Variants in ERBB4 observed in about 807,000 individuals in gnomAD.
The protein encoded by ERBB4 is erb-b2 receptor tyrosine kinase 4.
In ERBB4, 42 loss-of-function variants were observed where a neutral mutation model predicts 158.0. That is an observed-to-expected ratio of 0.27 (90% CI 0.21 to 0.34). The LOEUF is 0.34. ERBB4 is among the 10% of genes least tolerant of loss of function. The pLI is 1.00. For synonymous variants in ERBB4, 583 were observed against 558.7 expected (o/e 1.04, Z -0.61); for missense variants, 1,333 against 1,624.1 (o/e 0.82, Z 3.08).
intron 5 of ERBB4, among the ~76,000 whole-genome samples, chr2:211,746,894 C>T (rs2074991656): frequency 6.6e-6 from 1 of 151,580 alleles, no homozygotes; most frequent in Non-Finnish European, 1.5e-5. Flanking sequence ...CTTATGGAAC[C>T]TAAGGACAGC....
At chr2:212,191,262 A>C (rs1452159373) in intron 1 of ERBB4, among the ~76,000 whole-genome samples, 1 of 152,102 alleles carries the variant, frequency 6.6e-6, no homozygotes, top group South Asian at 2.1e-4. Flanking sequence ...ATTTCTAACC[A>C]TTCCCCAGAT....
intron 3 of ERBB4, among the ~76,000 whole-genome samples, chr2:211,881,573 C>G (rs996530937): frequency 3.1e-5 from 4 of 127,786 alleles, no homozygotes; most frequent in Middle Eastern, 4.2e-3. Flanking sequence ...AGAGAACCTG[C>G]CTGCATAATA....
intron 1 of ERBB4, among the ~76,000 whole-genome samples, chr2:212,165,560 C>G: frequency 6.6e-6 from 1 of 151,912 alleles, no homozygotes; most frequent in Non-Finnish European, 1.5e-5. Context: ...TCTAAGAAAG[C>G]TTTTTTCTTT....
intron 1 of ERBB4, among the ~76,000 whole-genome samples, chr2:212,288,101 CAG>C (rs778775511): frequency 6.6e-6 from 1 of 152,008 alleles, no homozygotes; most frequent in Non-Finnish European, 1.5e-5. Flanking sequence ...GAGAGAAAAT[CAG>C]AGTTGAGATT....
chr2:211,571,214 C>G (rs1191210875), intron 19 of ERBB4, among the ~76,000 whole-genome samples: 1 of 151,800 alleles, frequency 6.6e-6, no homozygotes, highest in Non-Finnish European at 1.5e-5. Context: ...AGAAATACTA[C>G]CCGGGCTTTG....
chr2:211,928,380 T>C (rs1416203607), intron 3 of ERBB4, among the ~76,000 whole-genome samples: 1 of 152,072 alleles, frequency 6.6e-6, no homozygotes, highest in Non-Finnish European at 1.5e-5. Context: ...CATTGTCCTA[T>C]GGAGAAGCCG....
At chr2:211,704,732 G>T (rs1213653474) in intron 10 of ERBB4, among the ~76,000 whole-genome samples, 1 of 152,102 alleles carries the variant, frequency 6.6e-6, no homozygotes, top group African/African-American at 2.4e-5. Context: ...TTTTGAAGAA[G>T]TAAACAGAAA....
At chr2:211,917,657 A>G (rs2079735608) in intron 3 of ERBB4, among the ~76,000 whole-genome samples, 1 of 152,174 alleles carries the variant, frequency 6.6e-6, no homozygotes, top group South Asian at 2.1e-4. Flanking sequence ...AAAAAATGCT[A>G]AAAGTGGGTA....
Position 212,459,207 on chromosome 2 carries a change from T to A in ERBB4, c.82+79242A>T, listed in dbSNP as rs1688453910. On this transcript the variant is annotated intron_variant, in intron 1 of 27. Transcript: ENST00000342788. ...TTGTACTCTTTGAGTTGTTTTTTTT[T>A]ATTTTATAGTATTAGATGTACACAG... Among the ~76,000 whole-genome samples the A allele has an allele frequency of 2.0e-5, 3 of 152,214 alleles. No homozygotes were observed. The South Asian group carries it at 6.2e-4, about 32-fold the overall frequency.
intron 1 of ERBB4, among the ~76,000 whole-genome samples, chr2:212,180,300 A>T (rs2081817502): frequency 6.6e-6 from 1 of 151,654 alleles, no homozygotes; most frequent in Non-Finnish European, 1.5e-5. Context: ...CGGGATAAGC[A>T]TATTTTTTTC....
At chr2:211,552,313 C>G (rs2067119204) in intron 20 of ERBB4, among the ~76,000 whole-genome samples, 1 of 152,044 alleles carries the variant, frequency 6.6e-6, no homozygotes, top group Middle Eastern at 3.2e-3. Context: ...ATGGTAGAAT[C>G]AGTCTGTTTG....
chr2:211,828,161 T>C lies in ERBB4; in HGVS notation c.422-40002A>G, dbSNP rs115968007. ...AGAGTCTTAGTCATATTAATTAAAGTGGATTGACTTTTATATGTTCAGTTG... is the reference window on the plus strand; with the variant it reads ...AGAGTCTTAGTCATATTAATTAAAGCGGATTGACTTTTATATGTTCAGTTG... On this transcript the variant is annotated intron_variant, in intron 3 of 27. Transcript: ENST00000342788. Among the ~76,000 whole-genome samples the C allele has an allele frequency of 2.6e-3, 402 of 152,278 alleles. 3 individuals are homozygous for C. The highest frequency in any genetic ancestry group is 9.5e-3 in the African/African-American group (395 of 41,568).
chr2:211,561,646 C>A (rs2067395292), intron 20 of ERBB4: 2 of 480,286 alleles, frequency 4.2e-6, no homozygotes, highest in Non-Finnish European at 7.6e-6. Context: ...AATTCCTCCC[C>A]CTGACTACCA....
intron 20 of ERBB4, among the ~76,000 whole-genome samples, chr2:211,528,996 TA>T (rs1382097006): frequency 6.7e-6 from 1 of 149,590 alleles, no homozygotes; most frequent in Non-Finnish European, 1.5e-5. Context: ...TGAAAGAAAA[TA>T]AAAAATCTGA....
intron 1 of ERBB4, among the ~76,000 whole-genome samples, chr2:212,302,296 A>G (rs2086652108): frequency 6.6e-6 from 1 of 151,276 alleles, no homozygotes; most frequent in Admixed American, 6.6e-5. Flanking sequence ...GTTATTAGAT[A>G]TGTGCTGATA....
At chr2:212,532,991 A>C (rs1469298868) in intron 1 of ERBB4, among the ~76,000 whole-genome samples, 1 of 152,240 alleles carries the variant, frequency 6.6e-6, no homozygotes, top group Non-Finnish European at 1.5e-5. Context: ...TCAAGTGTGA[A>C]AACAAGGAAG....
chr2:212,013,400 T>C (rs978498027), intron 2 of ERBB4, among the ~76,000 whole-genome samples: 3 of 152,170 alleles, frequency 2.0e-5, no homozygotes, highest in African/African-American at 7.2e-5. Context: ...GAAGAATTTA[T>C]CATAAGACAC....
intron 24 of ERBB4, among the ~76,000 whole-genome samples, chr2:211,421,665 T>C (rs112328091): frequency 2.2e-4 from 34 of 151,902 alleles, no homozygotes; most frequent in African/African-American, 7.9e-4. Flanking sequence ...TTCCTTTTGT[T>C]CCGAAAAAAG....
At chr2:212,299,500 C>T (rs921283515) in intron 1 of ERBB4, among the ~76,000 whole-genome samples, 4 of 151,590 alleles carry the variant, frequency 2.6e-5, no homozygotes, top group Non-Finnish European at 5.9e-5. Flanking sequence ...ATTTCTTCCA[C>T]GAATATTTGA....
Sources: allele counts gnomAD v4.1 joint callset (sites outside exome capture counted in the v4.1 genomes callset), GRCh38; gene constraint gnomAD v4.1.1; transcripts MANE v1.5; gene names NCBI Gene and HGNC (gene_info 2026-07-23, HGNC 2026-07-21).